The following KAZN variants were observed in gnomAD, a reference collection of about 807,000 sequenced individuals.
The protein encoded by KAZN is kazrin.
A neutral mutation model predicts 87.4 loss-of-function variants in KAZN; 40 were observed. That is an observed-to-expected ratio of 0.46 (90% CI 0.36 to 0.60). The LOEUF (loss-of-function observed/expected upper bound fraction) is 0.60, where lower values mean the gene tolerates loss of function less well. Ranked by LOEUF, KAZN falls within the 20% of genes least tolerant of loss-of-function variation. KAZN has a pLI of 0.00. For synonymous variants in KAZN, 466 were observed against 458.3 expected (o/e 1.02, Z -0.22); for missense variants, 898 against 1,073.9 (o/e 0.84, Z 2.29).
chr1:14,173,765 T>TA (rs1420250138), intron 1 of KAZN, among the ~76,000 whole-genome samples: 1 of 152,076 alleles, frequency 6.6e-6, no homozygotes, highest in Non-Finnish European at 1.5e-5. Context: ...ACATGTCCTT[T>TA]GCTGAACCAA....
intron 14 of KAZN, chr1:15,113,180 C>T (rs1405162791): frequency 6.6e-6 from 1 of 152,188 alleles, no homozygotes; most frequent in Non-Finnish European, 1.5e-5. Context: ...GAATACATTG[C>T]CACTTTACCC....
intron 1 of KAZN, among the ~76,000 whole-genome samples, chr1:14,600,666 CAAAAA>C (rs59840012): frequency 1.8e-3 from 210 of 118,472 alleles, no homozygotes; most frequent in African/African-American, 4.9e-3. Flanking sequence ...GGAACCTGTG[CAAAAA>C]AAAAAAAAAA....
intron 1 of KAZN, among the ~76,000 whole-genome samples, chr1:14,047,449 C>T (rs1451757432): frequency 6.6e-6 from 1 of 152,208 alleles, no homozygotes; most frequent in East Asian, 1.9e-4. Flanking sequence ...GCTGCTCGAA[C>T]AGCACTTCAA....
chr1:14,379,372 A>C (rs1375222250), intron 2 of KAZN, among the ~76,000 whole-genome samples: 2 of 152,042 alleles, frequency 1.3e-5, no homozygotes, highest in African/African-American at 4.8e-5. Flanking sequence ...GGAAAAGTAA[A>C]CAGGACTTTG....
At position 14,924,812 on chromosome 1, in the gene KAZN, T is replaced by G. The variant is rs959023210; in HGVS notation, c.227-35872T>G. ...TGCACCGGGGGGCCAGGACCGCGCT[T>G]GCCGGAGCCAGGCGATCCCGCGGCG... On this transcript the variant is annotated intron_variant, in intron 1 of 14. Coordinates refer to ENST00000376030, the MANE Select transcript of KAZN (RefSeq NM_201628.3). Among the ~76,000 whole-genome samples the G allele has an allele frequency of 4.6e-5, 7 of 152,164 alleles. No homozygotes were observed. The South Asian group carries it at 1.4e-3, about 31-fold the overall frequency.
intron 1 of KAZN, among the ~76,000 whole-genome samples, chr1:14,087,862 G>A (rs758927569): frequency 7.9e-5 from 12 of 151,842 alleles, no homozygotes; most frequent in Non-Finnish European, 1.5e-4. Context: ...AACATTTTGT[G>A]TAGTAATTTT....
intron 1 of KAZN, among the ~76,000 whole-genome samples, chr1:14,063,274 A>G (rs930883310): frequency 2.0e-5 from 3 of 152,206 alleles, no homozygotes; most frequent in Non-Finnish European, 2.9e-5. Context: ...CAAAACTTGA[A>G]TTGGTTGAGT....
At chr1:15,108,361 G>GT (rs1246434898) in intron 13 of KAZN, among the ~76,000 whole-genome samples, 1 of 152,248 alleles carries the variant, frequency 6.6e-6, no homozygotes, top group Non-Finnish European at 1.5e-5. Context: ...GCGTGGGCCT[G>GT]TGTGCAATGG....
At chr1:14,741,759 A>C (rs1336174913) in intron 1 of KAZN, among the ~76,000 whole-genome samples, 1 of 152,154 alleles carries the variant, frequency 6.6e-6, no homozygotes, top group Non-Finnish European at 1.5e-5. Context: ...TGGCCCCTTG[A>C]AGACAAAAAC....
chr1:14,933,093 T>A (rs7536538), intron 1 of KAZN, among the ~76,000 whole-genome samples: 1 of 152,114 alleles, frequency 6.6e-6, no homozygotes, highest in Non-Finnish European at 1.5e-5. Flanking sequence ...TCTGCACTAT[T>A]TATTTCTTTA....
chr1:14,857,477 G>A (rs961648756), intron 1 of KAZN, among the ~76,000 whole-genome samples: 5 of 152,106 alleles, frequency 3.3e-5, no homozygotes, highest in African/African-American at 9.7e-5. Flanking sequence ...AGGGTGCAGT[G>A]AGCCGAGATC....
At position 14,858,465 on chromosome 1, in the gene KAZN, G is replaced by T. The variant is rs1221415153; in HGVS notation, c.227-102219G>T. 5.3e-5 allele frequency among the ~76,000 whole-genome samples: 8 copies of T among 151,974 alleles called. No homozygotes were observed. The East Asian group carries it at 1.5e-3, about 29-fold the overall frequency. ...TGACCTCAGGTGATCCACCGGCCTC[G>T]GCCTCCTAAAGTGTTGGGATTACAG... On this transcript the variant is annotated intron_variant, in intron 1 of 14. Transcript: ENST00000376030.
chr1:14,325,373 G>A (rs189665316), intron 2 of KAZN, among the ~76,000 whole-genome samples: 43 of 152,128 alleles, frequency 2.8e-4, no homozygotes, highest in Admixed American at 4.6e-4. Context: ...CTACATTTCC[G>A]GATTAGCTTT....
intron 2 of KAZN, among the ~76,000 whole-genome samples, chr1:14,248,196 G>A (rs1649688947): frequency 6.6e-6 from 1 of 152,134 alleles, no homozygotes; most frequent in Non-Finnish European, 1.5e-5. Context: ...ACAATATGGT[G>A]GTGTAGTCAT....
intron 1 of KAZN, among the ~76,000 whole-genome samples, chr1:14,019,761 G>A (rs1640736976): frequency 6.6e-6 from 1 of 152,228 alleles, no homozygotes; most frequent in Non-Finnish European, 1.5e-5. Context: ...AACAAAGAGT[G>A]TTGTGTCCCC....
chr1:14,426,936 A>T (rs777974725), intron 2 of KAZN, among the ~76,000 whole-genome samples: 25 of 152,174 alleles, frequency 1.6e-4, no homozygotes, highest in Non-Finnish European at 3.1e-4. Flanking sequence ...CTCACCCAGC[A>T]ATTGTGAACA....
chr1:14,276,481 G>A (rs771900500), intron 2 of KAZN, among the ~76,000 whole-genome samples: 10 of 152,130 alleles, frequency 6.6e-5, no homozygotes, highest in Non-Finnish European at 8.8e-5. Context: ...CTAGAGGCTG[G>A]AAGTCTGAAA....
intron 2 of KAZN, among the ~76,000 whole-genome samples, chr1:15,027,070 C>CT (rs71000358): frequency 0.1 from 5,686 of 55,728 alleles, 1,359 homozygotes; most frequent in African/African-American, 0.11. Flanking sequence ...GCCAGTGCTT[C>CT]TTTTTTTTTT....
chr1:14,637,935 G>C (rs1680117705), intron 1 of KAZN, among the ~76,000 whole-genome samples: 1 of 152,106 alleles, frequency 6.6e-6, no homozygotes, highest in African/African-American at 2.4e-5. Context: ...CTCATTCTGG[G>C]AGGTCTGGGG....
Sources: allele counts gnomAD v4.1 joint callset (sites outside exome capture counted in the v4.1 genomes callset), GRCh38; gene constraint gnomAD v4.1.1; transcripts MANE v1.5; gene names NCBI Gene and HGNC (gene_info 2026-07-23, HGNC 2026-07-21).